The following TRPC4 variants were observed in gnomAD, a reference collection of about 807,000 sequenced individuals.
TRPC4 encodes short transient receptor potential channel 4.
TRPC4 carries 49 observed loss-of-function variants against 99.4 expected under a neutral mutation model. The observed-to-expected ratio is 0.49, with a 90% CI of 0.39 to 0.63. The LOEUF is 0.63. Ranked by LOEUF, TRPC4 falls within the 20% of genes least tolerant of loss-of-function variation. The pLI is 0.00. For synonymous variants in TRPC4, 454 were observed against 425.9 expected (o/e 1.07, Z -0.81); for missense variants, 898 against 1,152.9 (o/e 0.78, Z 3.20).
intron 2 of TRPC4, among the ~76,000 whole-genome samples, chr13:37,748,494 A>C (rs1304019876): frequency 6.6e-6 from 1 of 152,120 alleles, no homozygotes; most frequent in Non-Finnish European, 1.5e-5. Context: ...CAAAAAAATA[A>C]CAGTGTGAAA....
intron 1 of TRPC4, among the ~76,000 whole-genome samples, chr13:37,784,656 C>T (rs530472910): frequency 6.6e-6 from 1 of 152,056 alleles, no homozygotes; most frequent in East Asian, 1.9e-4. Context: ...ATGATCTTTT[C>T]AACCCTAATC....
intron 1 of TRPC4, among the ~76,000 whole-genome samples, chr13:37,823,448 A>G (rs867489734): frequency 2.8e-5 from 4 of 141,856 alleles, no homozygotes; most frequent in Admixed American, 7.4e-5. Flanking sequence ...TGATTTTTGT[A>G]TAAGGTGTAA....
intron 2 of TRPC4, among the ~76,000 whole-genome samples, chr13:37,767,672 T>G (rs946143061): frequency 4.6e-5 from 7 of 151,398 alleles, no homozygotes; most frequent in Non-Finnish European, 7.4e-5. Flanking sequence ...AATTGTTACC[T>G]TAACTAAAGC....
At chr13:37,663,773 G>T (rs73186508) in intron 5 of TRPC4, 44 bp from the exon 6 acceptor site, 15,894 of 1,479,490 alleles carry the variant, frequency 0.011, 108 homozygotes, top group Non-Finnish European at 0.013. Context: ...ACAAACACAC[G>T]CATATAAATA....
intron 3 of TRPC4, among the ~76,000 whole-genome samples, chr13:37,694,632 A>T (rs1953848650): frequency 1.3e-5 from 2 of 152,050 alleles, no homozygotes; most frequent in Admixed American, 6.6e-5. Context: ...TTTTTTATTT[A>T]TTTTTTTTCT....
intron 1 of TRPC4, among the ~76,000 whole-genome samples, chr13:37,803,128 C>A (rs942848356): frequency 1.3e-5 from 2 of 152,070 alleles, no homozygotes; most frequent in African/African-American, 4.8e-5. Context: ...CACGAGTGTT[C>A]TTTTGACATG....
intron 1 of TRPC4, among the ~76,000 whole-genome samples, chr13:37,804,059 A>G (rs1291789838): frequency 6.6e-6 from 1 of 152,140 alleles, no homozygotes; most frequent in Non-Finnish European, 1.5e-5. Context: ...GGAAGGTTAA[A>G]TACAGATAAT....
intron 1 of TRPC4, among the ~76,000 whole-genome samples, chr13:37,824,204 C>T (rs1958126333): frequency 6.6e-6 from 1 of 151,018 alleles, no homozygotes; most frequent in East Asian, 1.9e-4. Flanking sequence ...GATATAAAAT[C>T]ATGTCATCTG....
At chr13:37,793,613 T>TAAG (rs902692533) in intron 1 of TRPC4, among the ~76,000 whole-genome samples, 12 of 152,082 alleles carry the variant, frequency 7.9e-5, no homozygotes, top group African/African-American at 2.9e-4. Context: ...AAAGGAAATA[T>TAAG]AAGTAGAAAA....
chr13:37,655,078 G>T lies in TRPC4; in HGVS notation c.1884+10C>A, dbSNP rs530855939. ...GAAACATTGAATTAAAATAAAGCTG[G>T]TCAACTTACAGCAATCAGTTGGTAA... is the stretch of plus-strand genomic sequence containing the variant. On this transcript the variant is annotated intron_variant, in intron 7 of 10. Transcript: ENST00000379705. The T allele has an allele frequency of 1.4e-6, 2 of 1,469,098 alleles. No homozygotes were observed. The highest frequency in any genetic ancestry group is 2.6e-5 in the East Asian group (1 of 38,992). 91.0% of individuals were successfully genotyped at this position (1,469,098 alleles called of 1,614,324 possible). A position where few individuals can be genotyped will look rare whatever the true frequency, so the allele number is the denominator to read the frequency against.
chr13:37,767,452 G>T (rs907535329), intron 2 of TRPC4, among the ~76,000 whole-genome samples: 5 of 150,952 alleles, frequency 3.3e-5, no homozygotes. Context: ...ATAGAATATT[G>T]CAATCTCTGC....
intron 1 of TRPC4, among the ~76,000 whole-genome samples, chr13:37,797,008 A>AAAGTAAAGTAAAGTAAAGTAAAGTAAAG (rs1566178222): frequency 9.5e-5 from 9 of 94,472 alleles, no homozygotes; most frequent in African/African-American, 4.1e-4. Context: ...GTAAAGTAAA[A>AAAGTAAAGTAAAGTAAAGTAAAGTAAAG]TAAAATAAAA....
chr13:37,846,311 G>A (rs987845017), intron 1 of TRPC4, among the ~76,000 whole-genome samples: 6 of 152,096 alleles, frequency 3.9e-5, no homozygotes, highest in South Asian at 4.1e-4. Flanking sequence ...AGGGTGGTGT[G>A]TAAAGCAACT....
intron 1 of TRPC4, among the ~76,000 whole-genome samples, chr13:37,794,771 T>G (rs1593760021): frequency 2.0e-5 from 3 of 152,164 alleles, no homozygotes; most frequent in Non-Finnish European, 1.5e-5. Context: ...ATTAAAAAAG[T>G]ACTATTGTTC....
intron 8 of TRPC4, among the ~76,000 whole-genome samples, chr13:37,645,601 T>G (rs888834154): frequency 6.6e-6 from 1 of 152,212 alleles, no homozygotes; most frequent in African/African-American, 2.4e-5. Flanking sequence ...TGTGTTCTTC[T>G]CCTTTCACGA....
intron 3 of TRPC4, among the ~76,000 whole-genome samples, chr13:37,700,106 C>T (rs550502991): frequency 6.6e-6 from 1 of 152,296 alleles, no homozygotes; most frequent in African/African-American, 2.4e-5. Flanking sequence ...TACCTCTATT[C>T]ACCAATACCC....
intron 3 of TRPC4, among the ~76,000 whole-genome samples, chr13:37,744,681 A>G (rs2139150761): frequency 6.6e-6 from 1 of 152,264 alleles, no homozygotes; most frequent in Non-Finnish European, 1.5e-5. Flanking sequence ...TTCAAAAGAA[A>G]CTGAGTACAT....
At chr13:37,645,732 A>G (rs1951845634) in intron 8 of TRPC4, among the ~76,000 whole-genome samples, 1 of 152,208 alleles carries the variant, frequency 6.6e-6, no homozygotes. Flanking sequence ...GCACCCTTAT[A>G]GCATACATCT....
chr13:37,687,843 G>A (rs17261242), intron 4 of TRPC4, among the ~76,000 whole-genome samples: 13,329 of 152,160 alleles, frequency 0.088, 795 homozygotes, highest in Middle Eastern at 0.19. Context: ...AGGCCCATAG[G>A]AATGCTTGAT....
Sources: allele counts gnomAD v4.1 joint callset (sites outside exome capture counted in the v4.1 genomes callset), GRCh38; gene constraint gnomAD v4.1.1; transcripts MANE v1.5; gene names NCBI Gene and HGNC (gene_info 2026-07-23, HGNC 2026-07-21).